KAZN: variants seen among roughly 807,000 people sequenced by gnomAD.
KAZN encodes kazrin, periplakin interacting protein.
In KAZN, 40 loss-of-function variants were observed where a neutral mutation model predicts 87.4. The ratio of observed to expected loss-of-function variants is 0.46; its 90% CI spans 0.36 to 0.60. The LOEUF is 0.60. Ranked by LOEUF, KAZN falls within the 20% of genes least tolerant of loss-of-function variation. The pLI is 0.00. For synonymous variants in KAZN, 466 were observed against 458.3 expected, an observed-to-expected ratio of 1.02 and a Z score of -0.22; for missense variants, 898 against 1,073.9, an observed-to-expected ratio of 0.84 and a Z score of 2.29.
At chr1:14,725,076 G>A (rs1447750270) in intron 1 of KAZN, among the ~76,000 whole-genome samples, 1 of 152,188 alleles carries the variant, frequency 6.6e-6, no homozygotes, top group South Asian at 2.1e-4. Context: ...ATTTACCAGA[G>A]GAAAGAAGAT....
intron 2 of KAZN, among the ~76,000 whole-genome samples, chr1:14,518,178 CTTTTTTTTTT>C (rs141321203): frequency 2.1e-4 from 19 of 91,310 alleles, no homozygotes; most frequent in African/African-American, 4.4e-4. Context: ...TTTTTGAAGG[CTTTTTTTTTT>C]TTTTTTTTTT....
intron 2 of KAZN, among the ~76,000 whole-genome samples, chr1:14,532,886 T>A (rs982096672): frequency 1.3e-5 from 2 of 151,966 alleles, no homozygotes; most frequent in Non-Finnish European, 2.9e-5. Context: ...GACATTTGGG[T>A]TGGTTCCAAG....
At position 13,999,181 on chromosome 1, in the gene KAZN, C is replaced by G. The variant is rs964341475; in HGVS notation, c.91+105425C>G. Among the ~76,000 whole-genome samples, 5 of 152,154 alleles carry G rather than the reference C, an allele frequency of 3.3e-5. No individual in the cohort carries two copies. In the South Asian group the frequency reaches 6.2e-4, roughly 19 times the overall value. ...TGGCCAACATAGTGAAACTCCATCT[C>G]TGCTAAAAATAGAAAAAATTAGCTG... On this transcript the variant is annotated intron_variant, in intron 1 of 16. Transcript: ENST00000636203.
intron 1 of KAZN, among the ~76,000 whole-genome samples, chr1:14,115,333 A>C (rs1158713610): frequency 6.6e-6 from 1 of 152,218 alleles, no homozygotes; most frequent in Non-Finnish European, 1.5e-5. Context: ...GCCCCCACCC[A>C]AATCTCATCT....
chr1:14,004,082 C>T (rs1306202409), intron 1 of KAZN, among the ~76,000 whole-genome samples: 1 of 147,120 alleles, frequency 6.8e-6, no homozygotes, highest in African/African-American at 2.5e-5. Flanking sequence ...ATTCACCTCC[C>T]AAAAGAGGAT....
chr1:15,097,711 A>C (rs1640861242), intron 10 of KAZN, among the ~76,000 whole-genome samples: 1 of 152,110 alleles, frequency 6.6e-6, no homozygotes, highest in Admixed American at 6.5e-5. Context: ...CCAGCTACTC[A>C]GGAGGCTGAG....
At chr1:14,030,001 A>G (rs1048790726) in intron 1 of KAZN, among the ~76,000 whole-genome samples, 1 of 152,088 alleles carries the variant, frequency 6.6e-6, no homozygotes, top group African/African-American at 2.4e-5. Flanking sequence ...GTTTTTTCCA[A>G]TTCTTTGAAG....
intron 1 of KAZN, among the ~76,000 whole-genome samples, chr1:14,159,386 A>G (rs1266000908): frequency 6.6e-6 from 1 of 152,092 alleles, no homozygotes; most frequent in Admixed American, 6.6e-5. Flanking sequence ...TGTGGCTACC[A>G]TCACCACAGG....
At chr1:14,580,415 C>G (rs753595116) in intron 2 of KAZN, among the ~76,000 whole-genome samples, 7 of 151,970 alleles carry the variant, frequency 4.6e-5, no homozygotes, top group African/African-American at 1.7e-4. Flanking sequence ...GAGGAAGTTG[C>G]GGTGAGCCGA....
At chr1:14,867,300 AT>A (rs1380877128) in intron 1 of KAZN, among the ~76,000 whole-genome samples, 1 of 152,022 alleles carries the variant, frequency 6.6e-6, no homozygotes, top group East Asian at 1.9e-4. Context: ...GGGGAGATTT[AT>A]TTTGCACTGA....
intron 1 of KAZN, among the ~76,000 whole-genome samples, chr1:14,616,409 T>TTTATGG (rs1678244005): frequency 6.6e-6 from 1 of 150,660 alleles, no homozygotes; most frequent in Non-Finnish European, 1.5e-5. Context: ...AACAGAGGAG[T>TTTATGG]CCTCTGGTAT....
At chr1:14,392,245 GT>G (rs1248003129) in intron 2 of KAZN, among the ~76,000 whole-genome samples, 1 of 152,180 alleles carries the variant, frequency 6.6e-6, no homozygotes, top group Non-Finnish European at 1.5e-5. Flanking sequence ...TTTGTCAAAA[GT>G]TTTAGAAAGA....
At chr1:14,758,574 A>C (rs1005620309) in intron 1 of KAZN, among the ~76,000 whole-genome samples, 1 of 152,162 alleles carries the variant, frequency 6.6e-6, no homozygotes, top group Non-Finnish European at 1.5e-5. Context: ...TGGCCCCCCA[A>C]AATGCTGGGA....
chr1:14,733,476 G>A (rs1310519007), intron 1 of KAZN, among the ~76,000 whole-genome samples: 5 of 152,170 alleles, frequency 3.3e-5, no homozygotes, highest in Non-Finnish European at 5.9e-5. Context: ...ATTAATGACC[G>A]TGGCAGTGCA....
intron 1 of KAZN, among the ~76,000 whole-genome samples, chr1:14,813,376 G>A (rs1646469660): frequency 6.6e-6 from 1 of 152,134 alleles, no homozygotes; most frequent in Non-Finnish European, 1.5e-5. Context: ...CTGCCATGTT[G>A]TGAGGCAACC....
At chr1:14,837,286 C>A (rs1321988077) in intron 1 of KAZN, among the ~76,000 whole-genome samples, 1 of 152,130 alleles carries the variant, frequency 6.6e-6, no homozygotes. Flanking sequence ...GCAACCTCCG[C>A]TTCCCAGGTT....
chr1:13,937,336 G>A (rs1240723098), intron 1 of KAZN, among the ~76,000 whole-genome samples: 1 of 152,150 alleles, frequency 6.6e-6, no homozygotes, highest in Non-Finnish European at 1.5e-5. Context: ...GAGCCACCAT[G>A]CCCAGCCATC....
chr1:13,912,156 C>T (rs554263138), intron 1 of KAZN, among the ~76,000 whole-genome samples: 3 of 152,132 alleles, frequency 2.0e-5, no homozygotes, highest in Non-Finnish European at 2.9e-5. Context: ...GCTTCCCAGC[C>T]GAGCACTGGG....
At chr1:14,507,983 A>T (rs1048418364) in intron 2 of KAZN, among the ~76,000 whole-genome samples, 11 of 151,790 alleles carry the variant, frequency 7.2e-5, no homozygotes, top group African/African-American at 2.4e-4. Context: ...ATAAATAAAA[A>T]AAAAAAAAAT....
Sources: allele counts gnomAD v4.1 joint callset (sites outside exome capture counted in the v4.1 genomes callset), GRCh38; gene constraint gnomAD v4.1.1; transcripts MANE v1.5; gene names NCBI Gene and HGNC (gene_info 2026-07-23, HGNC 2026-07-21).